The following ATP1B3 variants were observed in gnomAD, a reference collection of about 807,000 sequenced individuals.
ATP1B3 encodes the protein sodium/potassium-transporting ATPase subunit beta-3.
In ATP1B3, 10 loss-of-function variants were observed where a neutral mutation model predicts 30.2. The ratio of observed to expected loss-of-function variants is 0.33; its 90% CI spans 0.20 to 0.56. The LOEUF is 0.56. Among genes scored for constraint, ATP1B3 ranks in the 20% least tolerant of loss-of-function variants. ATP1B3 has a pLI of 0.90. For missense variants in ATP1B3, 238 were observed against 336.7 expected, an observed-to-expected ratio of 0.71 and a Z score of 2.29; for synonymous variants, 113 against 117.0, an observed-to-expected ratio of 0.97 and a Z score of 0.22.
chr3:141,904,294 TG>T (rs1934221646), intron 2 of ATP1B3, among the ~76,000 whole-genome samples: 3 of 150,302 alleles, frequency 2.0e-5, no homozygotes, highest in South Asian at 2.1e-4. Flanking sequence ...TTGTTTTGTT[TG>T]TTTCGGTTTC....
intron 1 of ATP1B3, among the ~76,000 whole-genome samples, chr3:141,889,172 T>A (rs1933887936): frequency 6.6e-6 from 1 of 152,098 alleles, no homozygotes. Flanking sequence ...CTGCCCCCCA[T>A]GATTCAGTCA....
chr3:141,891,016 A>G (rs1005471013), intron 1 of ATP1B3, among the ~76,000 whole-genome samples: 1 of 152,062 alleles, frequency 6.6e-6, no homozygotes, highest in Admixed American at 6.6e-5. Flanking sequence ...TTTAATTGTA[A>G]TGGTTTTAAA....
chr3:141,922,141 G>C, intron 6 of ATP1B3, 78 bp downstream of exon 6: 2 of 841,032 alleles, frequency 2.4e-6, no homozygotes, highest in Non-Finnish European at 3.7e-6. Flanking sequence ...ACTTGTCTGG[G>C]GTAGGTAGAC....
chr3:141,915,780 T>C (rs893878340), intron 4 of ATP1B3, among the ~76,000 whole-genome samples, 190 bp from the exon 5 acceptor site: 6 of 152,344 alleles, frequency 3.9e-5, no homozygotes, highest in Middle Eastern at 3.4e-3. Context: ...TAATAAGATA[T>C]CTGATTGCTG....
intron 1 of ATP1B3, 87 bp downstream of exon 1, chr3:141,876,997 C>G (rs1427993766): frequency 9.5e-7 from 1 of 1,049,502 alleles, no homozygotes; most frequent in African/African-American, 1.7e-5. Context: ...AGGCGGGAGG[C>G]GGCTCCCAGC....
At chr3:141,908,012 A>G (rs1934291944) in intron 3 of ATP1B3, among the ~76,000 whole-genome samples, 1 of 149,924 alleles carries the variant, frequency 6.7e-6, no homozygotes, top group Admixed American at 6.6e-5. Context: ...GTTGAATTTG[A>G]AATAGGTCAG....
intron 1 of ATP1B3, among the ~76,000 whole-genome samples, chr3:141,895,157 T>C (rs979225215): frequency 6.6e-6 from 1 of 151,524 alleles, no homozygotes; most frequent in Non-Finnish European, 1.5e-5. Flanking sequence ...ACAGCTCCTG[T>C]GCATGTTATT....
chr3:141,903,738 T>G lies in ATP1B3; in HGVS notation c.228T>G (p.Ile76Met). 1 of 1,613,858 alleles carries G rather than the reference T, an allele frequency of 6.2e-7. No homozygotes were observed. The highest frequency in any genetic ancestry group is 8.5e-7 in the Non-Finnish European group (1 of 1,179,866). Residue 76 changes from isoleucine to methionine, a missense_variant, in exon 2 of 7, where the codon ATT becomes ATG. Ile to Met is a conservative substitution (Grantham distance 10, BLOSUM62 1). Around this residue, in one of 3 missense-constraint regions of ATP1B3, gnomAD observed 130 missense variants for 148.8 expected, o/e 0.87. Transcript: ENST00000286371. ...AGGTTCCAAAATACCGTGACCAGATTCCTAGCCCAGGTAATTATCTTGCAG... is the reference window on the plus strand; with the variant it reads ...AGGTTCCAAAATACCGTGACCAGATGCCTAGCCCAGGTAATTATCTTGCAG... ...NDEVPKYRDQ[I>M]PSPGLMVFPK...
At chr3:141,894,404 C>T (rs540651179) in intron 1 of ATP1B3, among the ~76,000 whole-genome samples, 94 of 152,038 alleles carry the variant, frequency 6.2e-4, no homozygotes, top group African/African-American at 2.1e-3. Context: ...GCAATCTTCC[C>T]ATCTCAGCCT....
At chr3:141,908,014 A>G (rs1482573330) in intron 3 of ATP1B3, among the ~76,000 whole-genome samples, 1 of 150,290 alleles carries the variant, frequency 6.7e-6, no homozygotes, top group Non-Finnish European at 1.5e-5. Flanking sequence ...TGAATTTGAA[A>G]TAGGTCAGTA....
chr3:141,910,298 A>T (rs190423060), intron 3 of ATP1B3, among the ~76,000 whole-genome samples: 470 of 152,274 alleles, frequency 3.1e-3, no homozygotes, highest in South Asian at 6.8e-3. Flanking sequence ...TTGATAGGGA[A>T]TTAACTTCAT....
At chr3:141,920,591 A>T (rs1292766940) in intron 5 of ATP1B3, among the ~76,000 whole-genome samples, 2 of 152,146 alleles carry the variant, frequency 1.3e-5, no homozygotes, top group African/African-American at 4.8e-5. Flanking sequence ...TCTCAAAAAA[A>T]ATCCTTTTTT....
intron 1 of ATP1B3, among the ~76,000 whole-genome samples, chr3:141,892,406 A>G (rs1933971651): frequency 6.6e-6 from 1 of 152,170 alleles, no homozygotes; most frequent in South Asian, 2.1e-4. Flanking sequence ...TAACAGCATT[A>G]AGTGGATTTT....
intron 1 of ATP1B3, among the ~76,000 whole-genome samples, chr3:141,883,421 G>A (rs1933770550): frequency 6.6e-6 from 1 of 152,156 alleles, no homozygotes; most frequent in Non-Finnish European, 1.5e-5. Flanking sequence ...GGGAGGCTGA[G>A]GTGGGAGGAT....
chr3:141,887,745 A>T (rs952377842), intron 1 of ATP1B3, among the ~76,000 whole-genome samples: 1 of 152,228 alleles, frequency 6.6e-6, no homozygotes, highest in African/African-American at 2.4e-5. Context: ...TGAACTACAG[A>T]TGTACAAAAT....
chr3:141,910,307 A>G (rs1934336724), intron 3 of ATP1B3, among the ~76,000 whole-genome samples: 1 of 152,154 alleles, frequency 6.6e-6, no homozygotes, highest in African/African-American at 2.4e-5. Context: ...AATTAACTTC[A>G]TGCTTCTGAA....
chr3:141,887,549 A>G (rs1465170783), intron 1 of ATP1B3, among the ~76,000 whole-genome samples: 1 of 152,076 alleles, frequency 6.6e-6, no homozygotes, highest in African/African-American at 2.4e-5. Flanking sequence ...CAGCAGTTCT[A>G]CTCTTAGGTG....
At chr3:141,881,095 C>T (rs1014074364) in intron 1 of ATP1B3, among the ~76,000 whole-genome samples, 2 of 151,670 alleles carry the variant, frequency 1.3e-5, no homozygotes, top group African/African-American at 2.4e-5. Context: ...CCCAACTACT[C>T]TGGAGGCTGA....
chr3:141,887,780 C>T (rs558982274), intron 1 of ATP1B3, among the ~76,000 whole-genome samples: 9 of 152,144 alleles, frequency 5.9e-5, no homozygotes, highest in South Asian at 2.1e-4. Flanking sequence ...AGGTTGACTG[C>T]GAACGAAAGC....
Sources: allele counts gnomAD v4.1 joint callset (sites outside exome capture counted in the v4.1 genomes callset), GRCh38; gene constraint gnomAD v4.1.1; regional missense constraint gnomAD v4.1.1; transcripts MANE v1.5; gene names NCBI Gene and HGNC (gene_info 2026-07-23, HGNC 2026-07-21).